The following CSMD1 variants were observed in gnomAD, a reference collection of about 807,000 sequenced individuals.
CSMD1 encodes CUB and Sushi multiple domains 1, also known as CUB and sushi domain-containing protein 1.
A neutral mutation model predicts 417.5 loss-of-function variants in CSMD1; 213 were observed. The ratio of observed to expected loss-of-function variants is 0.51; its 90% CI spans 0.46 to 0.57. The LOEUF (loss-of-function observed/expected upper bound fraction) is 0.57, where lower values mean the gene tolerates loss of function less well. CSMD1 is among the 20% of genes least tolerant of loss of function. CSMD1 has a pLI of 0.00. For synonymous variants in CSMD1, 2,862 were observed against 1,736.8 expected (o/e 1.65, Z -16.11); for missense variants, 6,923 against 4,529.7 (o/e 1.53, Z -15.17).
intron 2 of CSMD1, among the ~76,000 whole-genome samples, chr8:4,550,408 T>G (rs2130560747): frequency 6.6e-6 from 1 of 151,714 alleles, no homozygotes; most frequent in East Asian, 1.9e-4. Flanking sequence ...ACCACTAGCT[T>G]AGATGACTCA....
At chr8:4,670,676 T>C (rs1406621928) in intron 1 of CSMD1, among the ~76,000 whole-genome samples, 1 of 152,204 alleles carries the variant, frequency 6.6e-6, no homozygotes, top group African/African-American at 2.4e-5. Flanking sequence ...CAAATATTAC[T>C]ATGATAGGTT....
At chr8:4,273,381 G>C (rs1288691291) in intron 3 of CSMD1, among the ~76,000 whole-genome samples, 1 of 152,048 alleles carries the variant, frequency 6.6e-6, no homozygotes, top group African/African-American at 2.4e-5. Flanking sequence ...ATGGGTTTCT[G>C]GATTTCATAT....
intron 3 of CSMD1, among the ~76,000 whole-genome samples, chr8:4,298,923 T>C (rs1173115487): frequency 2.0e-5 from 3 of 152,026 alleles, no homozygotes; most frequent in Non-Finnish European, 2.9e-5. Context: ...TATACACACA[T>C]AAATACATAA....
chr8:3,524,600 T>C (rs1366623514), intron 10 of CSMD1, among the ~76,000 whole-genome samples: 1 of 140,998 alleles, frequency 7.1e-6, no homozygotes, highest in African/African-American at 2.7e-5. Flanking sequence ...AGGACACACA[T>C]CCACACACAT....
Position 3,307,680 on chromosome 8 carries a change from A to G in CSMD1, c.3950+15T>C, listed in dbSNP as rs1003170242. ...CTCTTTTCTCAAATCACTGAAACCAAAATAAAACAAGTACCTAATGGTCTT... is the reference window on the plus strand; with the variant it reads ...CTCTTTTCTCAAATCACTGAAACCAGAATAAAACAAGTACCTAATGGTCTT... On this transcript the variant is annotated intron_variant, in intron 25 of 69. Transcript: ENST00000635120. The G allele has an allele frequency of 6.2e-7, 1 of 1,611,356 alleles. No individual in the cohort carries two copies. Among genetic ancestry groups the G allele is most frequent in the African/African-American group, 1.3e-5 (1 of 74,818 alleles).
At chr8:4,301,407 G>C (rs373752179) in intron 3 of CSMD1, among the ~76,000 whole-genome samples, 1 of 152,142 alleles carries the variant, frequency 6.6e-6, no homozygotes, top group African/African-American at 2.4e-5. Context: ...GTGTCTCCAG[G>C]ATGGTACTGG....
At chr8:3,731,332 A>T (rs937045565) in intron 6 of CSMD1, among the ~76,000 whole-genome samples, 4 of 152,206 alleles carry the variant, frequency 2.6e-5, no homozygotes, top group Admixed American at 6.5e-5. Flanking sequence ...TCTTGAAAGA[A>T]AGAGATGGAG....
chr8:3,738,548 GC>G (rs1169149039), intron 6 of CSMD1, among the ~76,000 whole-genome samples: 4 of 152,176 alleles, frequency 2.6e-5, no homozygotes, highest in Non-Finnish European at 1.5e-5. Flanking sequence ...AAACATGAAT[GC>G]CCTTCCCTTT....
chr8:4,294,832 G>T (rs376381461), intron 3 of CSMD1, among the ~76,000 whole-genome samples: 1 of 151,802 alleles, frequency 6.6e-6, no homozygotes, highest in African/African-American at 2.4e-5. Context: ...TGTGTAATTA[G>T]TAACTTTCCT....
chr8:4,821,040 C>A (rs1221091796), intron 1 of CSMD1, among the ~76,000 whole-genome samples: 1 of 152,072 alleles, frequency 6.6e-6, no homozygotes, highest in African/African-American at 2.4e-5. Flanking sequence ...GATTGCTCCA[C>A]ACCAAGAAGA....
rs144261121 is a variant in CSMD1, at chr8:4,882,817, G to T, written c.85+111515C>A. On this transcript the variant is annotated intron_variant, in intron 1 of 69. Transcript: ENST00000635120. Reference sequence around the variant, plus strand: ...CCTCCTTTTTCAGTAACAAACTGAGGAAAACTTTCTACTTTCCTTTGACTT... The same window carrying T: ...CCTCCTTTTTCAGTAACAAACTGAGTAAAACTTTCTACTTTCCTTTGACTT... Among the ~76,000 whole-genome samples, 365 of 152,010 alleles carry T rather than the reference G, an allele frequency of 2.4e-3. 3 individuals carry two copies. The highest frequency in any genetic ancestry group is 8.2e-3 in the African/African-American group (341 of 41,392).
At chr8:4,188,680 A>C (rs73512839) in intron 3 of CSMD1, among the ~76,000 whole-genome samples, 6,859 of 152,232 alleles carry the variant, frequency 0.045, 521 homozygotes, top group African/African-American at 0.16. Context: ...CTAGTCTTTT[A>C]ACCTTTATAA....
At chr8:3,619,623 A>G (rs1252372790) in intron 7 of CSMD1, among the ~76,000 whole-genome samples, 2 of 152,182 alleles carry the variant, frequency 1.3e-5, no homozygotes, top group South Asian at 2.1e-4. Context: ...TAGGATAAAC[A>G]TCAAGAGATC....
At chr8:4,187,766 A>C (rs1380779023) in intron 3 of CSMD1, among the ~76,000 whole-genome samples, 1 of 151,432 alleles carries the variant, frequency 6.6e-6, no homozygotes, top group Non-Finnish European at 1.5e-5. Flanking sequence ...AATATATTTC[A>C]CTCTCACCAT....
intron 11 of CSMD1, among the ~76,000 whole-genome samples, chr8:3,487,873 A>G (rs935080810): frequency 2.0e-5 from 3 of 151,984 alleles, no homozygotes; most frequent in Admixed American, 6.5e-5. Flanking sequence ...AACATTACCA[A>G]TTTTTTCTAA....
intron 41 of CSMD1, among the ~76,000 whole-genome samples, chr8:3,124,817 C>T (rs984178355): frequency 6.6e-6 from 1 of 152,208 alleles, no homozygotes; most frequent in Non-Finnish European, 1.5e-5. Context: ...CAGTCAACAT[C>T]ATAATGATGA....
intron 3 of CSMD1, among the ~76,000 whole-genome samples, chr8:4,322,779 G>A (rs1317785455): frequency 6.6e-6 from 1 of 152,190 alleles, no homozygotes; most frequent in East Asian, 1.9e-4. Context: ...CGGATCACTT[G>A]ACTTCAGGAG....
intron 7 of CSMD1, among the ~76,000 whole-genome samples, chr8:3,642,745 G>C (rs1273429565): frequency 6.6e-6 from 1 of 152,132 alleles, no homozygotes; most frequent in South Asian, 2.1e-4. Context: ...TAGAAAACAC[G>C]AGTATGGAAC....
intron 3 of CSMD1, among the ~76,000 whole-genome samples, chr8:4,175,271 C>G (rs369518357): frequency 1.3e-5 from 2 of 152,086 alleles, no homozygotes; most frequent in African/African-American, 4.8e-5. Flanking sequence ...ATTTAATTAT[C>G]TCTGCTGATG....
Sources: allele counts gnomAD v4.1 joint callset (sites outside exome capture counted in the v4.1 genomes callset), GRCh38; gene constraint gnomAD v4.1.1; transcripts MANE v1.5; gene names NCBI Gene and HGNC (gene_info 2026-07-23, HGNC 2026-07-21).